The following CHN1 variants were observed in gnomAD, a reference collection of about 807,000 sequenced individuals.
CHN1 encodes N-chimaerin.
Under a neutral mutation model 59.5 loss-of-function variants are expected in CHN1, and 37 were observed. The observed-to-expected ratio is 0.62, with a 90% CI of 0.48 to 0.82. The LOEUF (loss-of-function observed/expected upper bound fraction) is 0.82, where lower values mean the gene tolerates loss of function less well. Among genes scored for constraint, CHN1 ranks in the 40% least tolerant of loss-of-function variants. The probability of loss-of-function intolerance (pLI) is 0.00; values close to 1 mark genes in which losing one functional copy is unlikely to be tolerated. For missense variants in CHN1, 469 were observed against 571.0 expected, an observed-to-expected ratio of 0.82 and a Z score of 1.82; for synonymous variants, 206 against 200.4, an observed-to-expected ratio of 1.03 and a Z score of -0.24.
chr2:174,901,473 C>T (rs989656810), intron 5 of CHN1, among the ~76,000 whole-genome samples: 3 of 152,212 alleles, frequency 2.0e-5, no homozygotes, highest in Admixed American at 2.0e-4. Context: ...ATCAGATCCT[C>T]CTTTATGCAC....
intron 1 of CHN1, among the ~76,000 whole-genome samples, chr2:174,989,217 A>C (rs1691459071): frequency 6.6e-6 from 1 of 151,654 alleles, no homozygotes; most frequent in Non-Finnish European, 1.5e-5. Context: ...CTCCACTAAA[A>C]ATACAAAAAT....
chr2:174,845,938 T>C (rs1231167699), intron 7 of CHN1, among the ~76,000 whole-genome samples: 2 of 152,194 alleles, frequency 1.3e-5, no homozygotes, highest in African/African-American at 4.8e-5. Flanking sequence ...TGAAAGATCA[T>C]GATTTCCAGC....
intron 5 of CHN1, among the ~76,000 whole-genome samples, chr2:174,901,023 T>C (rs1030206129): frequency 7.2e-5 from 11 of 152,158 alleles, no homozygotes; most frequent in African/African-American, 2.4e-4. Context: ...ACAAAATATA[T>C]AGGGCAATGG....
In CHN1 at chr2:174,926,994, G is replaced by A. The variant is rs546210156; in HGVS notation, c.115-8429C>T. On this transcript the variant is annotated intron_variant, in intron 3 of 12. Coordinates refer to ENST00000409900, the MANE Select transcript of CHN1 (RefSeq NM_001822.7). ...AGGATAGTCTCGATCTCCTGACCTC[G>A]TGATCTGCCCGCCTCAGCCTTCCAA... is the stretch of plus-strand genomic sequence containing the variant. Among the ~76,000 whole-genome samples, 99 of 152,130 alleles carry A rather than the reference G, an allele frequency of 6.5e-4. 1 individual carries two copies. In the East Asian group the frequency reaches 0.016, roughly 25 times the overall value.
At chr2:174,839,111 C>G (rs2105423311) in intron 7 of CHN1, among the ~76,000 whole-genome samples, 1 of 151,854 alleles carries the variant, frequency 6.6e-6, no homozygotes, top group South Asian at 2.1e-4. Context: ...TTTTGAAATG[C>G]AAATACATTG....
rs527867043 is a variant in CHN1, at chr2:174,976,698, T to C, written c.20-24496A>G. ...TTAAAGAACTCAGATGGCTCATAAT[T>C]TTGTTGAAGAAAAGAGAGCCATCTT... On this transcript the variant is annotated intron_variant, in intron 1 of 12. Coordinates refer to ENST00000409900, the MANE Select transcript of CHN1 (RefSeq NM_001822.7). Among the ~76,000 whole-genome samples, 11 of 152,334 alleles carry C rather than the reference T, an allele frequency of 7.2e-5. 1 individual carries two copies. The South Asian group carries it at 2.3e-3, about 32-fold the overall frequency.
intron 5 of CHN1, among the ~76,000 whole-genome samples, chr2:174,885,210 G>A (rs1489462695): frequency 6.6e-6 from 1 of 151,436 alleles, no homozygotes; most frequent in African/African-American, 2.4e-5. Flanking sequence ...GGGAGGCAGA[G>A]GTTGCAGTGA....
chr2:174,867,866 C>T (rs1687274832), intron 6 of CHN1, among the ~76,000 whole-genome samples: 1 of 152,166 alleles, frequency 6.6e-6, no homozygotes, highest in African/African-American at 2.4e-5. Context: ...GTTATATTAT[C>T]TGTCAATAGT....
At chr2:174,961,828 A>C (rs1178115973) in intron 1 of CHN1, among the ~76,000 whole-genome samples, 2 of 152,184 alleles carry the variant, frequency 1.3e-5, no homozygotes, top group Non-Finnish European at 2.9e-5. Context: ...AGATACTAGC[A>C]AGAGAATGAG....
At chr2:174,864,028 C>T (rs1296563016) in intron 6 of CHN1, among the ~76,000 whole-genome samples, 2 of 152,138 alleles carry the variant, frequency 1.3e-5, no homozygotes, top group African/African-American at 4.8e-5. Flanking sequence ...AAATGCTAAT[C>T]TTTCAGTGTT....
At chr2:174,884,820 T>C (rs1483870548) in intron 5 of CHN1, among the ~76,000 whole-genome samples, 2 of 152,212 alleles carry the variant, frequency 1.3e-5, no homozygotes, top group Admixed American at 6.5e-5. Flanking sequence ...CTATTGCCTA[T>C]GAGTCCTTAA....
At chr2:174,994,118 A>G (rs1309569520) in intron 1 of CHN1, among the ~76,000 whole-genome samples, 4 of 152,252 alleles carry the variant, frequency 2.6e-5, no homozygotes, top group Non-Finnish European at 5.9e-5. Flanking sequence ...ATGAAAATGA[A>G]CAATAGTTTA....
Position 174,929,470 on chromosome 2 carries a change from C to T in CHN1, c.115-10905G>A, listed in dbSNP as rs183341491. Among the ~76,000 whole-genome samples, 274 of 151,862 alleles carry T rather than the reference C, an allele frequency of 1.8e-3. 1 individual carries two copies. Among genetic ancestry groups the T allele is most frequent in the African/African-American group, 6.3e-3 (260 of 41,402 alleles). On this transcript the variant is annotated intron_variant, in intron 3 of 12. Coordinates refer to ENST00000409900, the MANE Select transcript of CHN1 (RefSeq NM_001822.7). ...GCAAGTGCCTGTAGTCTCAGCTACT[C>T]GGGAGGCTGAGGCATAAGAATCACT... is the stretch of plus-strand genomic sequence containing the variant.
At chr2:174,888,424 G>T (rs78097907) in intron 5 of CHN1, among the ~76,000 whole-genome samples, 6,372 of 152,224 alleles carry the variant, frequency 0.042, 468 homozygotes, top group African/African-American at 0.14. Context: ...ATTGTAGCCT[G>T]GGGATAACAT....
Position 174,842,305 on chromosome 2 carries a change from C to T in CHN1, c.627+4575G>A, listed in dbSNP as rs556643843. 3.3e-4 allele frequency among the ~76,000 whole-genome samples: 51 copies of T among 152,240 alleles called. No homozygotes were observed. The South Asian group carries it at 8.3e-3, about 25-fold the overall frequency. On this transcript the variant is annotated intron_variant, in intron 7 of 12. Transcript: ENST00000409900. ...AGGTGATAGACACTGTTTCTGAATA[C>T]GACATTTCACTGCTGTTAATATAAA... is the stretch of plus-strand genomic sequence containing the variant.
chr2:174,883,968 T>C (rs1315434641), intron 5 of CHN1, among the ~76,000 whole-genome samples: 20 of 145,984 alleles, frequency 1.4e-4, no homozygotes, highest in East Asian at 5.9e-4. Context: ...CTAACTTCTT[T>C]TTTTTTTTTT....
rs180978847 is a variant in CHN1, at chr2:174,948,985, G to A, written c.58+3179C>T. 3.2e-4 allele frequency among the ~76,000 whole-genome samples: 48 copies of A among 152,208 alleles called. 1 individual carries two copies. Among genetic ancestry groups the A allele is most frequent in the Non-Finnish European group, 1.6e-4 (11 of 68,006 alleles). On this transcript the variant is annotated intron_variant, in intron 2 of 12. Coordinates refer to ENST00000409900, the MANE Select transcript of CHN1 (RefSeq NM_001822.7). ...TATATATCTGGCCTAAGATTGTCATGGCTCACATATTAAGGATACTGAACA... is the reference window on the plus strand; with the variant it reads ...TATATATCTGGCCTAAGATTGTCATAGCTCACATATTAAGGATACTGAACA...
intron 1 of CHN1, among the ~76,000 whole-genome samples, chr2:174,961,156 A>AAGGGAGGAAGGGAAGGGAGGGAGGGT: frequency 8.8e-6 from 1 of 113,792 alleles, no homozygotes; most frequent in East Asian, 3.0e-4. Flanking sequence ...GGAGGGAGGG[A>AAGGGAGGAAGGGAAGGGAGGGAGGGT]GGCAGGGAGG....
intron 3 of CHN1, among the ~76,000 whole-genome samples, chr2:174,939,241 G>C (rs188774162): frequency 6.6e-6 from 1 of 152,284 alleles, no homozygotes; most frequent in Non-Finnish European, 1.5e-5. Context: ...TGAATCATCA[G>C]AAAGCTATCT....
Sources: gnomAD v4.1 joint callset for allele counts (sites outside exome capture counted in the v4.1 genomes callset) on GRCh38, gnomAD v4.1.1 for gene constraint, MANE v1.5 for transcripts, NCBI Gene and HGNC (gene_info 2026-07-23, HGNC 2026-07-21) for gene names.